OBI1: variants seen among roughly 807,000 people sequenced by gnomAD.
The protein encoded by OBI1 is ring finger protein 219.
Under a neutral mutation model 62.4 loss-of-function variants are expected in OBI1, and 59 were observed. The observed-to-expected ratio is 0.95, with a 90% CI of 0.77 to 1.17. The LOEUF (loss-of-function observed/expected upper bound fraction) is 1.17. Ranked by LOEUF, OBI1 falls within the 50% of genes most tolerant of loss-of-function variation. OBI1 has a pLI of 0.00. For missense variants in OBI1, 875 were observed against 830.9 expected, an observed-to-expected ratio of 1.05 and a Z score of -0.65; for synonymous variants, 302 against 292.8, an observed-to-expected ratio of 1.03 and a Z score of -0.32.
intron 5 of OBI1, among the ~76,000 whole-genome samples, chr13:78,634,782 G>A (rs1806888890): frequency 6.6e-6 from 1 of 152,120 alleles, no homozygotes; most frequent in Non-Finnish European, 1.5e-5. Context: ...TAAGAAAATA[G>A]CTAAAGGGCA....
intron 1 of OBI1, among the ~76,000 whole-genome samples, chr13:78,652,966 C>A (rs1404813439): frequency 6.6e-6 from 1 of 152,110 alleles, no homozygotes; most frequent in Non-Finnish European, 1.5e-5. Context: ...GTTCTTGGGG[C>A]AGATATATTA....
At position 78,645,033 on chromosome 13, in the gene OBI1, C is replaced by T. The variant is rs533015400; in HGVS notation, c.73-36G>A. 2.0e-5 allele frequency: 32 copies of T among 1,572,696 alleles called. No homozygotes were observed. The Middle Eastern group carries it at 6.8e-4, about 34-fold the overall frequency. On this transcript the variant is annotated intron_variant, in intron 1 of 5. Coordinates refer to ENST00000282003, the MANE Select transcript of OBI1 (RefSeq NM_024546.4). ...AGAAATCACTTTTAGTACAGGACAA[C>T]GGTCATAATTAGAAGATCAAATGGT...
At chr13:78,635,737 G>GATCT (rs753801059) in intron 4 of OBI1, among the ~76,000 whole-genome samples, 94 of 151,994 alleles carry the variant, frequency 6.2e-4, no homozygotes, top group Admixed American at 1.1e-3. Context: ...CTCAAAATTG[G>GATCT]ATCTATCTAT....
At chr13:78,641,255 A>T (rs1443323915) in intron 3 of OBI1, among the ~76,000 whole-genome samples, 1 of 152,220 alleles carries the variant, frequency 6.6e-6, no homozygotes, top group Non-Finnish European at 1.5e-5. Context: ...ACTACTTACT[A>T]TTTTAAATTG....
Position 78,620,386 on chromosome 13 carries a change from TTTC to T in OBI1, c.639-3267_639-3265del, listed in dbSNP as rs764376418. On this transcript the variant is annotated intron_variant, in intron 5 of 5. Coordinates refer to ENST00000282003, the MANE Select transcript of OBI1 (RefSeq NM_024546.4). The stretch of plus-strand genomic sequence containing the variant: ...AATATCATTTACCATACTTCCTCCT[TTTC>T]TTGAGTAAATTTCAAAATGGAGTAT... Among the ~76,000 whole-genome samples, 50 of 152,308 alleles carry T rather than the reference TTTC, an allele frequency of 3.3e-4. No individual in the cohort carries two copies. The East Asian group carries it at 4.6e-3, about 14-fold the overall frequency.
intron 1 of OBI1, among the ~76,000 whole-genome samples, chr13:78,654,191 T>C (rs1876629795): frequency 6.6e-6 from 1 of 152,194 alleles, no homozygotes; most frequent in Non-Finnish European, 1.5e-5. Flanking sequence ...ACTTGTCAAG[T>C]AAGTATGTCA....
At chr13:78,635,770 A>T (rs1042982377) in intron 4 of OBI1, among the ~76,000 whole-genome samples, 2 of 152,008 alleles carry the variant, frequency 1.3e-5, no homozygotes, top group Non-Finnish European at 2.9e-5. Context: ...GTATCTATTT[A>T]TCTATATTTT....
intron 5 of OBI1, among the ~76,000 whole-genome samples, chr13:78,630,507 C>A (rs1297161597): frequency 6.6e-6 from 1 of 152,082 alleles, no homozygotes; most frequent in African/African-American, 2.4e-5. Context: ...ATGTTGAAAC[C>A]TAATCCCTAA....
In OBI1 at chr13:78,617,100, C is replaced by G. The variant is rs772649804; in HGVS notation, c.661G>C (p.Ala221Pro). 35 of 1,562,486 alleles carry G rather than the reference C, an allele frequency of 2.2e-5. No individual in the cohort carries two copies. In the East Asian group the frequency reaches 6.8e-4, roughly 30 times the overall value. Reference protein sequence around the residue: ...PQKFGRFAVAALQSKVEQYER... With the variant: ...PQKFGRFAVAPLQSKVEQYER... ...TACTGTTCTACTTTGGACTGAAGAGCAGCAACTGCAAACCTTCCAAACCTA... is the reference window on the plus strand; with the variant it reads ...TACTGTTCTACTTTGGACTGAAGAGGAGCAACTGCAAACCTTCCAAACCTA... Residue 221 changes from alanine to proline, a missense_variant, in exon 6 of 6, where the codon GCT (alanine) becomes CCT (proline). Transcript: ENST00000282003.
At chr13:78,633,089 C>A (rs1875902366) in intron 5 of OBI1, among the ~76,000 whole-genome samples, 1 of 152,134 alleles carries the variant, frequency 6.6e-6, no homozygotes, top group African/African-American at 2.4e-5. Flanking sequence ...GAGCTACAAA[C>A]AAAATAGCTT....
intron 3 of OBI1, 56 bp downstream of exon 3, chr13:78,642,066 C>T (rs1051995188): frequency 1.1e-6 from 1 of 942,826 alleles, no homozygotes; most frequent in Non-Finnish European, 1.7e-6. Context: ...TGAGGTAGGT[C>T]AGTTTTTACC....
intron 3 of OBI1, among the ~76,000 whole-genome samples, chr13:78,640,264 G>A (rs1277041824): frequency 2.0e-5 from 3 of 151,728 alleles, no homozygotes; most frequent in Non-Finnish European, 4.4e-5. Context: ...GGACCCTTAG[G>A]GATACCAAAA....
At chr13:78,632,999 G>C (rs1875900171) in intron 5 of OBI1, among the ~76,000 whole-genome samples, 1 of 152,184 alleles carries the variant, frequency 6.6e-6, no homozygotes, top group Non-Finnish European at 1.5e-5. Flanking sequence ...TATCCAGTTT[G>C]AGCCATGGAT....
intron 5 of OBI1, among the ~76,000 whole-genome samples, chr13:78,633,148 T>A (rs1049789219): frequency 6.6e-6 from 1 of 152,164 alleles, no homozygotes; most frequent in African/African-American, 2.4e-5. Flanking sequence ...CAAGCATTAC[T>A]GTGACTGGCA....
chr13:78,652,793 G>A (rs1054739479), intron 1 of OBI1, among the ~76,000 whole-genome samples: 3 of 152,122 alleles, frequency 2.0e-5, no homozygotes, highest in African/African-American at 4.8e-5. Context: ...AGCTCAGGTG[G>A]TAATACTATC....
At chr13:78,638,518 C>A (rs1208740755) in intron 4 of OBI1, among the ~76,000 whole-genome samples, 1 of 152,080 alleles carries the variant, frequency 6.6e-6, no homozygotes, top group African/African-American at 2.4e-5. Context: ...TGGCAAACCA[C>A]AAAGAGGACG....
At chr13:78,648,378 A>T (rs1471815958) in intron 1 of OBI1, among the ~76,000 whole-genome samples, 1 of 152,046 alleles carries the variant, frequency 6.6e-6, no homozygotes, top group Non-Finnish European at 1.5e-5. Flanking sequence ...GCTCAGGTAA[A>T]AAAGGAAGTT....
At position 78,658,301 on chromosome 13, in the gene OBI1, T is replaced by C. The variant is rs573629642; in HGVS notation, c.72+748A>G. On this transcript the variant is annotated intron_variant, in intron 1 of 5. Transcript: ENST00000282003. Reference sequence around the variant, plus strand: ...TAAAACACCGAAAGTGAGGCACAAATGGAAATGAAAGAGGAGAGGAATGCA... The same window carrying C: ...TAAAACACCGAAAGTGAGGCACAAACGGAAATGAAAGAGGAGAGGAATGCA... 5.3e-5 allele frequency among the ~76,000 whole-genome samples: 8 copies of C among 152,218 alleles called. No homozygotes were observed. In the East Asian group the frequency reaches 1.5e-3, roughly 29 times the overall value.
chr13:78,648,297 C>CACACAG (rs1466308934), intron 1 of OBI1, among the ~76,000 whole-genome samples: 1 of 151,762 alleles, frequency 6.6e-6, no homozygotes, highest in African/African-American at 2.4e-5. Context: ...CACACACACA[C>CACACAG]ACACACACAC....
Sources: gnomAD v4.1 joint callset for allele counts (sites outside exome capture counted in the v4.1 genomes callset) on GRCh38, gnomAD v4.1.1 for gene constraint, MANE v1.5 for transcripts, NCBI Gene and HGNC (gene_info 2026-07-23, HGNC 2026-07-21) for gene names.